The following B3GLCT variants were observed in gnomAD, a reference collection of about 807,000 sequenced individuals.
B3GLCT encodes beta 3-glucosyltransferase.
B3GLCT carries 65 observed loss-of-function variants against 63.4 expected under a neutral mutation model. The observed-to-expected ratio is 1.03, with a 90% CI of 0.84 to 1.26. B3GLCT has a LOEUF of 1.26. Among genes scored for constraint, B3GLCT ranks in the 50% most tolerant of loss-of-function variants. The pLI is 0.00. For synonymous variants in B3GLCT, 233 were observed against 219.2 expected, an observed-to-expected ratio of 1.06 and a Z score of -0.55; for missense variants, 577 against 604.8, an observed-to-expected ratio of 0.95 and a Z score of 0.48.
intron 7 of B3GLCT, 24 bp downstream of exon 7, chr13:31,261,106 CG>C: frequency 1.3e-6 from 2 of 1,496,296 alleles, no homozygotes; most frequent in South Asian, 1.2e-5. Flanking sequence ...GGAATTTTTT[CG>C]GGGGGCGGGA....
At chr13:31,208,199 G>GT (rs1869063870) in intron 1 of B3GLCT, among the ~76,000 whole-genome samples, 1 of 152,038 alleles carries the variant, frequency 6.6e-6, no homozygotes, top group East Asian at 1.9e-4. Context: ...ACATCTTTCT[G>GT]TTGTACAGTG....
chr13:31,213,045 C>T (rs533823587), intron 1 of B3GLCT, among the ~76,000 whole-genome samples: 29 of 150,194 alleles, frequency 1.9e-4, no homozygotes, highest in African/African-American at 6.5e-4. Flanking sequence ...TGCACGCGTG[C>T]GCGTGTGTGT....
chr13:31,274,123 A>G (rs1267838857), intron 8 of B3GLCT, among the ~76,000 whole-genome samples: 2 of 152,208 alleles, frequency 1.3e-5, no homozygotes, highest in African/African-American at 4.8e-5. Context: ...CATTTTACCC[A>G]ACATTTGTAG....
At chr13:31,220,058 T>C (rs1308917889) in intron 2 of B3GLCT, among the ~76,000 whole-genome samples, 2 of 152,222 alleles carry the variant, frequency 1.3e-5, no homozygotes, top group African/African-American at 4.8e-5. Flanking sequence ...TAGTTGGTGG[T>C]GCAGGCAGAA....
chr13:31,259,397 G>A (rs773358746), intron 6 of B3GLCT, among the ~76,000 whole-genome samples: 1 of 151,940 alleles, frequency 6.6e-6, no homozygotes, highest in Non-Finnish European at 1.5e-5. Context: ...TGTTGTTTGG[G>A]TACGTCTATT....
At chr13:31,265,194 T>C (rs1249925495) in intron 7 of B3GLCT, among the ~76,000 whole-genome samples, 3 of 152,202 alleles carry the variant, frequency 2.0e-5, no homozygotes, top group Non-Finnish European at 4.4e-5. Context: ...ATTAGAATTA[T>C]TAGAATTTTC....
chr13:31,234,039 A>C (rs1173652891), intron 4 of B3GLCT, among the ~76,000 whole-genome samples: 1 of 149,188 alleles, frequency 6.7e-6, no homozygotes, highest in Non-Finnish European at 1.5e-5. Context: ...TGTTTTTGAG[A>C]TAGAGTCTCA....
chr13:31,200,039 C>T lies in B3GLCT; in HGVS notation c.-46C>T. The stretch of plus-strand genomic sequence containing the variant: ...CGGCGCAGCTCCGCTCCCCGCGCGT[C>T]TCCCTTCCCCGCGCCCAGGTAGGGC... On this transcript the variant is annotated 5_prime_UTR_variant, in exon 1 of 15. Coordinates refer to ENST00000343307, the MANE Select transcript of B3GLCT (RefSeq NM_194318.4). 1.6e-6 allele frequency: 2 copies of T among 1,256,680 alleles called. No individual in the cohort carries two copies. Among genetic ancestry groups the T allele is most frequent in the Non-Finnish European group, 2.0e-6 (2 of 979,422 alleles). 77.8% of individuals were successfully genotyped at this position (1,256,680 alleles called of 1,614,324 possible).
At position 31,228,563 on chromosome 13, in the gene B3GLCT, G is replaced by C. The variant is rs192651547; in HGVS notation, c.161-622G>C. 1.7e-3 allele frequency among the ~76,000 whole-genome samples: 253 copies of C among 152,272 alleles called. 1 individual carries two copies. Among genetic ancestry groups the C allele is most frequent in the African/African-American group, 5.9e-3 (247 of 41,558 alleles). On this transcript the variant is annotated intron_variant, in intron 3 of 14. Transcript: ENST00000343307. Reference sequence around the variant, plus strand: ...GGCCTCTGTCTTTGGCTTGTAGATGGCTATCTTCTCTGTGTGTCTCCTCAT... The same window carrying C: ...GGCCTCTGTCTTTGGCTTGTAGATGCCTATCTTCTCTGTGTGTCTCCTCAT...
rs528705284 is a variant in B3GLCT at position 31,252,197 on chromosome 13, C to T, written c.459+4231C>T. ...AGATTTTGTCACCACCAGGCCTGCC[C>T]TGCAAGAGCTCCTGAAGGAAGCAGT... On this transcript the variant is annotated intron_variant, in intron 6 of 14. Coordinates refer to ENST00000343307, the MANE Select transcript of B3GLCT (RefSeq NM_194318.4). Among the ~76,000 whole-genome samples, 542 of 152,264 alleles carry T rather than the reference C, an allele frequency of 3.6e-3. 2 individuals are homozygous for T. Among genetic ancestry groups the T allele is most frequent in the Non-Finnish European group, 6.5e-3 (443 of 68,014 alleles).
At chr13:31,205,242 T>TG (rs1429237153) in intron 1 of B3GLCT, among the ~76,000 whole-genome samples, 2 of 151,640 alleles carry the variant, frequency 1.3e-5, no homozygotes, top group African/African-American at 4.8e-5. Flanking sequence ...TAGGTTTTTT[T>TG]TTTTTGTTTT....
chr13:31,255,594 C>G (rs1871697767), intron 6 of B3GLCT, among the ~76,000 whole-genome samples: 1 of 152,142 alleles, frequency 6.6e-6, no homozygotes, highest in African/African-American at 2.4e-5. Flanking sequence ...GTACTGGTAC[C>G]AAAACCAGAT....
At position 31,261,163 on chromosome 13, in the gene B3GLCT, A is replaced by C. The variant is rs542243712; in HGVS notation, c.596+81A>C. 8.9e-6 allele frequency: 13 copies of C among 1,466,344 alleles called. No homozygotes were observed. The African/African-American group carries it at 1.8e-4, about 21-fold the overall frequency. 90.8% of individuals were successfully genotyped at this position (1,466,344 alleles called of 1,614,324 possible). A position where few individuals can be genotyped will look rare whatever the true frequency, so the allele number is the denominator to read the frequency against. On this transcript the variant is annotated intron_variant, in intron 7 of 14. Transcript: ENST00000343307. The stretch of plus-strand genomic sequence containing the variant: ...TTTCATTGAGTACTGTAACTGATGG[A>C]TCTCAGGATCTCAAATGAGTTTTTC...
intron 12 of B3GLCT, among the ~76,000 whole-genome samples, chr13:31,310,684 G>C (rs537253709): frequency 9.8e-5 from 15 of 152,364 alleles, no homozygotes; most frequent in Admixed American, 6.5e-4. Flanking sequence ...AAAGCATGCA[G>C]ATGGTAGGAA....
chr13:31,218,187 CTTTTTTTTT>C (rs35142866), intron 2 of B3GLCT, among the ~76,000 whole-genome samples: 1 of 119,866 alleles, frequency 8.3e-6, no homozygotes, highest in Admixed American at 8.5e-5. Flanking sequence ...TTTGTGGCTA[CTTTTTTTTT>C]TTTTTTTTTT....
intron 6 of B3GLCT, among the ~76,000 whole-genome samples, chr13:31,253,523 G>A (rs1274095809): frequency 9.6e-5 from 14 of 145,700 alleles, no homozygotes; most frequent in Non-Finnish European, 7.5e-5. Flanking sequence ...AACCCGGCAG[G>A]TGGAGCTTGC....
intron 4 of B3GLCT, among the ~76,000 whole-genome samples, chr13:31,233,078 C>T (rs1187329076): frequency 6.6e-6 from 1 of 152,152 alleles, no homozygotes; most frequent in Non-Finnish European, 1.5e-5. Flanking sequence ...GCACCTTGAA[C>T]ATAGTAGGTA....
Position 31,269,267 on chromosome 13 carries a change from T to G in B3GLCT, c.650T>G (p.Leu217Ter), listed in dbSNP as rs1481842523. ...TTGAAATCCGACTTTACAATAGATT[T>G]AAAACATGAGGTATGTCATGTTTTG... ...ESLKSDFTID[L>*]KHEIALYIWD... The change falls in exon 8 of 15, where the codon TTA (leucine) becomes TGA (stop). Residue 217 changes from leucine to a stop codon, truncating the protein, a stop_gained. Transcript: ENST00000343307. LOFTEE classifies it high-confidence loss of function. 1 of 1,602,354 alleles carries G rather than the reference T, an allele frequency of 6.2e-7. No individual in the cohort carries two copies. The highest frequency in any genetic ancestry group is 8.5e-7 in the Non-Finnish European group (1 of 1,169,672).
At chr13:31,241,738 A>C (rs2044460226) in intron 4 of B3GLCT, among the ~76,000 whole-genome samples, 1 of 152,188 alleles carries the variant, frequency 6.6e-6, no homozygotes, top group African/African-American at 2.4e-5. Flanking sequence ...GTAGACTCCC[A>C]TCTTGGGCAG....
Sources: allele counts gnomAD v4.1 joint callset (sites outside exome capture counted in the v4.1 genomes callset), GRCh38; gene constraint gnomAD v4.1.1; transcripts MANE v1.5; gene names NCBI Gene and HGNC (gene_info 2026-07-23, HGNC 2026-07-21).